Variants in BTN3A1 observed in about 807,000 individuals in gnomAD.
BTN3A1 encodes dJ45P21.3 (butyrophilin, subfamily 3, member A1).
A neutral mutation model predicts 43.0 loss-of-function variants in BTN3A1; 24 were observed. The observed-to-expected ratio is 0.56, with a 90% CI of 0.40 to 0.78. The LOEUF (loss-of-function observed/expected upper bound fraction) is 0.78, where lower values mean the gene tolerates loss of function less well. BTN3A1 is among the 30% of genes least tolerant of loss of function. The pLI is 0.00. For synonymous variants in BTN3A1, 181 were observed against 234.7 expected (o/e 0.77, Z 2.09); for missense variants, 533 against 626.2 (o/e 0.85, Z 1.59).
chr6:26,411,268 G>T, intron 8 of BTN3A1, 133 bp downstream of exon 8: 1 of 1,241,858 alleles, frequency 8.1e-7, no homozygotes, highest in Non-Finnish European at 1.1e-6. Flanking sequence ...TTTGTGTGTT[G>T]TGGGGGGTTG....
rs1762076461 is a variant in BTN3A1 at position 26,407,891 on chromosome 6, A to G, written c.654A>G (p.Val218=). 1 of 1,614,204 alleles carries G rather than the reference A, an allele frequency of 6.2e-7. No individual in the cohort carries two copies. Among genetic ancestry groups the G allele is most frequent in the South Asian group, 1.1e-5 (1 of 91,084 alleles). The change falls in exon 4 of 10, where the codon GTA becomes GTG. Residue 218 remains valine (V), a synonymous_variant. Transcript: ENST00000289361. ...TGAGAGGCAGCTCTGGGGAGGGTGT[A>G]TCCTGTACCATCAGAAGTTCCCTCC... ...VIMRGSSGEG[V]SCTIRSSLLG... is the part of the protein sequence containing the mutation.
chr6:26,406,660 C>T (rs1260643323), intron 3 of BTN3A1, among the ~76,000 whole-genome samples: 1 of 152,204 alleles, frequency 6.6e-6, no homozygotes, highest in East Asian at 1.9e-4. Flanking sequence ...GTATCTGCTG[C>T]CAATGTTCTT....
chr6:26,408,131 C>G (rs566527259), intron 4 of BTN3A1, among the ~76,000 whole-genome samples, 179 bp downstream of exon 4: 1 of 152,188 alleles, frequency 6.6e-6, no homozygotes, highest in South Asian at 2.1e-4. Flanking sequence ...CTGTTCATGA[C>G]GCAAACATTT....
At position 26,413,212 on chromosome 6, in the gene BTN3A1, T is replaced by A. The variant is rs1424368159; in HGVS notation, c.1062T>A (p.Leu354=). The A allele has an allele frequency of 6.2e-7, 1 of 1,614,064 alleles. No individual in the cohort carries two copies. Among genetic ancestry groups the A allele is most frequent in the Admixed American group, 1.7e-5 (1 of 60,014 alleles). The change falls in exon 10 of 10, where the codon CTT becomes CTA. Residue 354 remains leucine (L), a synonymous_variant. Transcript: ENST00000289361. ...LDPKTANPIL[L]VSEDQRSVQR... is the part of the protein sequence containing the mutation. Reference sequence around the variant, plus strand: ...CAAAAACAGCAAACCCCATCCTCCTTGTTTCTGAGGACCAGAGGAGTGTGC... The same window carrying A: ...CAAAAACAGCAAACCCCATCCTCCTAGTTTCTGAGGACCAGAGGAGTGTGC...
In BTN3A1 at chr6:26,405,472, G is replaced by A. The variant is rs1761980763; in HGVS notation, c.-92G>A. 8.0e-7 allele frequency: 1 copy of A among 1,248,114 alleles called. No individual in the cohort carries two copies. The highest frequency in any genetic ancestry group is 1.2e-6 in the Non-Finnish European group (1 of 850,650). The allele number at this position is 1,248,114 out of a possible 1,614,324, so 77.3% of individuals were successfully genotyped here. A position where few individuals can be genotyped will look rare whatever the true frequency, so the allele number is the denominator to read the frequency against. ...GTCACCATACTTGAGTTAGCTCTAG[G>A]GAAGTGGAGGTTTCCATTTGGAATT... On this transcript the variant is annotated 5_prime_UTR_variant, in exon 2 of 10. Transcript: ENST00000289361.
chr6:26,412,354 G>A, intron 9 of BTN3A1: 1 of 710,874 alleles, frequency 1.4e-6, no homozygotes, highest in Non-Finnish European at 2.5e-6. Flanking sequence ...TGGCAGGGAG[G>A]AAGCAGGAAA....
In BTN3A1 at chr6:26,411,590, A is replaced by G. The variant is rs1383892915; in HGVS notation, c.1018+9A>G. 1 of 1,613,032 alleles carries G rather than the reference A, an allele frequency of 6.2e-7. No homozygotes were observed. The highest frequency in any genetic ancestry group is 1.7e-5 in the Admixed American group (1 of 59,838). ...GGCCCTCTTCAAGCCTGGTGAGTAA[A>G]TCACTGTGTGTTCCCTGGACCAACA... is the stretch of plus-strand genomic sequence containing the variant. On this transcript the variant is annotated intron_variant, in intron 9 of 9. Coordinates refer to ENST00000289361, the MANE Select transcript of BTN3A1 (RefSeq NM_007048.6).
chr6:26,408,087 C>A (rs546621070), intron 4 of BTN3A1, 135 bp downstream of exon 4: 4 of 1,390,192 alleles, frequency 2.9e-6, no homozygotes, highest in Non-Finnish European at 3.8e-6. Context: ...GGAGGCTCCT[C>A]CTTGCACCGG....
chr6:26,411,999 T>C, intron 9 of BTN3A1: 1 of 222,856 alleles, frequency 4.5e-6, no homozygotes. Context: ...TTAATGCTTC[T>C]GAGCTTTGGC....
At chr6:26,408,100 G>A (rs1762085261) in intron 4 of BTN3A1, 148 bp downstream of exon 4, 10 of 1,308,588 alleles carry the variant, frequency 7.6e-6, no homozygotes, top group Admixed American at 2.8e-5. Context: ...TGCACCGGGG[G>A]AGCTTCTCTT....
chr6:26,409,271 A>T (rs1328470264), intron 4 of BTN3A1, among the ~76,000 whole-genome samples: 22 of 152,222 alleles, frequency 1.4e-4, no homozygotes, highest in Admixed American at 1.4e-3. Context: ...ATTAGAAAAA[A>T]ATATGTTTGA....
At chr6:26,408,946 A>G (rs1380083259) in intron 4 of BTN3A1, among the ~76,000 whole-genome samples, 1 of 152,196 alleles carries the variant, frequency 6.6e-6, no homozygotes, top group Non-Finnish European at 1.5e-5. Flanking sequence ...TTAACAAGTA[A>G]TGTCATAACA....
At chr6:26,409,788 G>A in intron 5 of BTN3A1, 55 bp downstream of exon 5, 1 of 1,597,250 alleles carries the variant, frequency 6.3e-7, no homozygotes, top group Non-Finnish European at 8.5e-7. Flanking sequence ...AAAGCCCAAA[G>A]ACCTCACGCC....
chr6:26,405,467 T>A lies in BTN3A1; in HGVS notation c.-97T>A, dbSNP rs1761980559. 8.2e-7 allele frequency: 1 copy of A among 1,212,900 alleles called. No individual in the cohort carries two copies. Among genetic ancestry groups the A allele is most frequent in the Non-Finnish European group, 1.2e-6 (1 of 820,366 alleles). 75.1% of individuals were successfully genotyped at this position (1,212,900 alleles called of 1,614,324 possible). A position where few individuals can be genotyped will look rare whatever the true frequency, so the allele number is the denominator to read the frequency against. On this transcript the variant is annotated 5_prime_UTR_variant, in exon 2 of 10. Transcript: ENST00000289361. ...CTTCGGTCACCATACTTGAGTTAGCTCTAGGGAAGTGGAGGTTTCCATTTG... is the reference window on the plus strand; with the variant it reads ...CTTCGGTCACCATACTTGAGTTAGCACTAGGGAAGTGGAGGTTTCCATTTG...
rs1221234099 is a variant in BTN3A1, at chr6:26,414,244, GC to G, written c.*553del. The G allele has an allele frequency of 6.0e-6, 1 of 166,136 alleles. No individual in the cohort carries two copies. The highest frequency in any genetic ancestry group is 1.3e-5 in the Non-Finnish European group (1 of 76,230). The allele number at this position is 166,136 out of a possible 1,614,324, so 10.3% of individuals were successfully genotyped here. On this transcript the variant is annotated 3_prime_UTR_variant, in exon 10 of 10. Transcript: ENST00000289361. ...AATTTCTGCAGTTGGGAGATGTTCA[GC>G]TTCAGTCCCCGGCCCTATGGCCGTT...
chr6:26,408,147 A>T (rs796300390), intron 4 of BTN3A1, among the ~76,000 whole-genome samples, 195 bp downstream of exon 4: 7 of 152,260 alleles, frequency 4.6e-5, no homozygotes, highest in African/African-American at 1.7e-4. Flanking sequence ...CATTTACTGA[A>T]CATTTCCTGT....
chr6:26,411,633 C>T, intron 9 of BTN3A1, 52 bp downstream of exon 9: 1 of 1,572,390 alleles, frequency 6.4e-7, no homozygotes, highest in Non-Finnish European at 8.7e-7. Context: ...GGACTATATT[C>T]CTTTTTCCTT....
At chr6:26,412,537 G>T in intron 9 of BTN3A1, 4 of 1,549,822 alleles carry the variant, frequency 2.6e-6, no homozygotes, top group Non-Finnish European at 3.5e-6. Context: ...CTGAAGGGTG[G>T]AGAGTGAATC....
chr6:26,407,498 C>T (rs1762058123), intron 3 of BTN3A1, among the ~76,000 whole-genome samples, 173 bp from the exon 4 acceptor site: 1 of 152,188 alleles, frequency 6.6e-6, no homozygotes, highest in African/African-American at 2.4e-5. Context: ...GTTACTGACC[C>T]TGGGATACTG....
Sources: allele counts gnomAD v4.1 joint callset (sites outside exome capture counted in the v4.1 genomes callset), GRCh38; gene constraint gnomAD v4.1.1; transcripts MANE v1.5; gene names NCBI Gene and HGNC (gene_info 2026-07-23, HGNC 2026-07-21).